Variants in SFI1 observed in about 807,000 individuals in gnomAD.
The protein encoded by SFI1 is protein SFI1 homolog.
A neutral mutation model predicts 207.5 loss-of-function variants in SFI1; 195 were observed. That is an observed-to-expected ratio of 0.94 (90% confidence interval 0.84 to 1.06). The LOEUF (loss-of-function observed/expected upper bound fraction) is 1.06, where lower values mean the gene tolerates loss of function less well. SFI1 is among the 50% of genes least tolerant of loss of function. SFI1 has a pLI of 0.00. For synonymous variants in SFI1, 630 were observed against 598.9 expected (o/e 1.05, Z -0.76); for missense variants, 1,634 against 1,588.0 (o/e 1.03, Z -0.49).
At position 31,557,450 on chromosome 22, in the gene SFI1, A is replaced by G. The variant is rs1235825474; in HGVS notation, c.662+391A>G. On this transcript the variant is annotated intron_variant, in intron 7 of 32. Coordinates refer to ENST00000400288, the MANE Select transcript of SFI1 (RefSeq NM_001007467.3). ...GCGATCTGCCCACCTCAGCCTCCCA[A>G]AGTGCTGGGATTATAGGCATGAGCC... is the stretch of plus-strand genomic sequence containing the variant. Among the ~76,000 whole-genome samples, 2 of 152,066 alleles carry G rather than the reference A, an allele frequency of 1.3e-5. 1 individual carries two copies. Among genetic ancestry groups the G allele is most frequent in the Non-Finnish European group, 2.9e-5 (2 of 68,018 alleles).
intron 2 of SFI1, among the ~76,000 whole-genome samples, chr22:31,509,787 G>A (rs1008911849): frequency 6.6e-6 from 1 of 152,032 alleles, no homozygotes; most frequent in Non-Finnish European, 1.5e-5. Context: ...TAGTCACGAG[G>A]TCTATTGGTC....
At chr22:31,544,819 T>A (rs936214068) in intron 4 of SFI1, among the ~76,000 whole-genome samples, 5 of 152,128 alleles carry the variant, frequency 3.3e-5, no homozygotes, top group South Asian at 4.1e-4. Context: ...TATTAAAAAA[T>A]TTTTAACCTC....
At chr22:31,554,497 A>G (rs1307116893) in intron 6 of SFI1, among the ~76,000 whole-genome samples, 1 of 151,688 alleles carries the variant, frequency 6.6e-6, no homozygotes, top group Non-Finnish European at 1.5e-5. Flanking sequence ...TTTAATAGAG[A>G]CGGGATTTCA....
intron 4 of SFI1, among the ~76,000 whole-genome samples, chr22:31,543,809 CAAA>C (rs59076091): frequency 7.1e-5 from 4 of 56,618 alleles, no homozygotes; most frequent in Non-Finnish European, 7.5e-5. Context: ...GACTCCATCT[CAAA>C]AAAAAAAAAA....
intron 19 of SFI1, 50 bp from the exon 20 acceptor site, chr22:31,604,819 G>T: frequency 6.5e-7 from 1 of 1,550,106 alleles, no homozygotes; most frequent in East Asian, 2.3e-5. Flanking sequence ...TGCCTAAACA[G>T]GGGGAAGTGT....
intron 6 of SFI1, among the ~76,000 whole-genome samples, chr22:31,553,932 G>C (rs904970992): frequency 6.7e-5 from 9 of 133,422 alleles, no homozygotes; most frequent in African/African-American, 1.1e-4. Flanking sequence ...TTGCAGCCTG[G>C]AACTCCTAGG....
At chr22:31,537,323 C>T (rs761441788) in intron 4 of SFI1, among the ~76,000 whole-genome samples, 9 of 152,124 alleles carry the variant, frequency 5.9e-5, no homozygotes, top group Non-Finnish European at 1.2e-4. Flanking sequence ...GCCTCATTGG[C>T]CAGAGCTTTG....
At chr22:31,584,120 T>C in intron 13 of SFI1, 148 bp downstream of exon 13, 1 of 683,014 alleles carries the variant, frequency 1.5e-6, no homozygotes, top group Non-Finnish European at 2.5e-6. Context: ...AAACCATTTG[T>C]TCCTGACTTT....
intron 1 of SFI1, among the ~76,000 whole-genome samples, chr22:31,503,145 A>C (rs1041160589): frequency 6.7e-6 from 1 of 149,288 alleles, no homozygotes; most frequent in Non-Finnish European, 1.5e-5. Context: ...GCTTCACTTT[A>C]GGGTAATCTA....
At position 31,585,173 on chromosome 22, in the gene SFI1, C is replaced by G. The variant is rs1156478412; in HGVS notation, c.1413+39C>G. 3 of 1,526,236 alleles carry G rather than the reference C, an allele frequency of 2.0e-6. No individual in the cohort carries two copies. The Admixed American group carries it at 5.2e-5, about 26-fold the overall frequency. The allele number at this position is 1,526,236 out of a possible 1,614,324, so 94.5% of individuals were successfully genotyped here. Reference sequence around the variant, plus strand: ...TTTAGCAGATAGCTCTACTGGCTTACATTCTTGGACCCATTTGCTTTGGAA... The same window carrying G: ...TTTAGCAGATAGCTCTACTGGCTTAGATTCTTGGACCCATTTGCTTTGGAA... On this transcript the variant is annotated intron_variant, in intron 14 of 32. Transcript: ENST00000400288.
At chr22:31,586,976 T>G (rs1192298118) in intron 14 of SFI1, among the ~76,000 whole-genome samples, 1 of 152,238 alleles carries the variant, frequency 6.6e-6, no homozygotes, top group Non-Finnish European at 1.5e-5. Context: ...CATCAGATCT[T>G]TCTATTCTTA....
rs1175751112 is a variant in SFI1, at chr22:31,602,264, C to T, written c.1597C>T (p.His533Tyr). The T allele has an allele frequency of 6.2e-7, 1 of 1,614,112 alleles. No homozygotes were observed. Among genetic ancestry groups the T allele is most frequent in the East Asian group, 2.2e-5 (1 of 44,884 alleles). Reference protein sequence around the residue: ...FSLWRQKMFQHRENRLAERMA... With the variant: ...FSLWRQKMFQYRENRLAERMA... Reference sequence around the variant, plus strand: ...TCTCTGGAGGCAGAAGATGTTTCAGCATCGAGAAAACCGCCTGGCAGAGAG... The same window carrying T: ...TCTCTGGAGGCAGAAGATGTTTCAGTATCGAGAAAACCGCCTGGCAGAGAG... Residue 533 changes from histidine to tyrosine, a missense_variant, in exon 16 of 33, where the codon CAT becomes TAT. Coordinates refer to ENST00000400288, the MANE Select transcript of SFI1 (RefSeq NM_001007467.3).
chr22:31,595,842 A>G (rs1603285915), intron 15 of SFI1, among the ~76,000 whole-genome samples: 1 of 152,206 alleles, frequency 6.6e-6, no homozygotes, highest in African/African-American at 2.4e-5. Context: ...GAGCAGGTAC[A>G]TGGAACTAGT....
chr22:31,614,010 C>T (rs1010858493), intron 27 of SFI1, among the ~76,000 whole-genome samples, 155 bp downstream of exon 27: 3 of 152,196 alleles, frequency 2.0e-5, no homozygotes, highest in Admixed American at 2.0e-4. Context: ...CCAGCCAGAT[C>T]CCATCCCTCC....
chr22:31,505,448 A>G (rs1601832856), intron 1 of SFI1, among the ~76,000 whole-genome samples: 1 of 141,078 alleles, frequency 7.1e-6, no homozygotes, highest in African/African-American at 2.4e-5. Context: ...GAAAAAAAGA[A>G]AAAGAAAAAG....
At chr22:31,562,659 A>T (rs1343505694) in intron 8 of SFI1, among the ~76,000 whole-genome samples, 1 of 151,760 alleles carries the variant, frequency 6.6e-6, no homozygotes, top group Non-Finnish European at 1.5e-5. Context: ...TTTGAGACAG[A>T]GTCTCGCTCT....
rs527334986 is a variant in SFI1 at position 31,611,774 on chromosome 22, C to A, written c.2424C>A (p.His808Gln). The change falls in exon 24 of 33, where the codon CAC becomes CAA. Residue 808 changes from histidine to glutamine, a missense_variant. Transcript: ENST00000400288. ...CACTTGCTCTCCCCCAGCTCCTGCA[C>A]AGGCAGAGCACCCAACTGCTGGCAC... ...HLQCVRKRLLHRQSTQLLAQR... is the reference protein window; with the variant it reads ...HLQCVRKRLLQRQSTQLLAQR... 1.2e-6 allele frequency: 2 copies of A among 1,613,486 alleles called. No individual in the cohort carries two copies. Among genetic ancestry groups the A allele is most frequent in the South Asian group, 2.2e-5 (2 of 91,072 alleles).
At chr22:31,532,625 G>C (rs981426074) in intron 4 of SFI1, among the ~76,000 whole-genome samples, 1 of 152,122 alleles carries the variant, frequency 6.6e-6, no homozygotes, top group Non-Finnish European at 1.5e-5. Context: ...AACTTGGCCT[G>C]TGTGTGTTTT....
At chr22:31,578,556 A>C in intron 11 of SFI1, 104 bp downstream of exon 11, 1 of 1,048,054 alleles carries the variant, frequency 9.5e-7, no homozygotes, top group East Asian at 2.6e-5. Context: ...GCAGTCAGCT[A>C]TGGGTGAGTT....
Sources: allele counts gnomAD v4.1 joint callset (sites outside exome capture counted in the v4.1 genomes callset), GRCh38; gene constraint gnomAD v4.1.1; transcripts MANE v1.5; gene names NCBI Gene and HGNC (gene_info 2026-07-23, HGNC 2026-07-21).